The following LRRC4C variants were observed in gnomAD, a reference collection of about 807,000 sequenced individuals.
The protein encoded by LRRC4C is leucine-rich repeat-containing protein 4C.
In LRRC4C, 5 loss-of-function variants were observed where a neutral mutation model predicts 33.6. The observed-to-expected ratio is 0.15, with a 90% CI of 0.08 to 0.31. The LOEUF is 0.31. Among genes scored for constraint, LRRC4C ranks in the 10% least tolerant of loss-of-function variants. The pLI, the probability that LRRC4C is intolerant of heterozygous loss-of-function variation, is 1.00. For synonymous variants in LRRC4C, 329 were observed against 302.0 expected, an observed-to-expected ratio of 1.09 and a Z score of -0.93; for missense variants, 560 against 796.7, an observed-to-expected ratio of 0.70 and a Z score of 3.58.
At chr11:40,200,043 A>G (rs1259823356) in intron 5 of LRRC4C, among the ~76,000 whole-genome samples, 1 of 151,896 alleles carries the variant, frequency 6.6e-6, no homozygotes, top group African/African-American at 2.4e-5. Flanking sequence ...CCTGCTTGTC[A>G]ATTAAAACTC....
intron 2 of LRRC4C, among the ~76,000 whole-genome samples, chr11:40,828,483 A>T (rs1436960177): frequency 6.6e-6 from 1 of 151,898 alleles, no homozygotes; most frequent in African/African-American, 2.4e-5. Context: ...TTTAGATAAT[A>T]TAAAGTTTTT....
chr11:40,215,141 T>G (rs1235506015), intron 5 of LRRC4C, among the ~76,000 whole-genome samples: 1 of 152,184 alleles, frequency 6.6e-6, no homozygotes, highest in East Asian at 1.9e-4. Context: ...CTATTCTGTG[T>G]CCACTACCAG....
chr11:41,342,612 G>A (rs1201599854), intron 1 of LRRC4C, among the ~76,000 whole-genome samples: 1 of 152,118 alleles, frequency 6.6e-6, no homozygotes, highest in Non-Finnish European at 1.5e-5. Context: ...ATACTCAGGA[G>A]GCTTAGGTAG....
chr11:40,147,679 G>A (rs964491799), intron 5 of LRRC4C, among the ~76,000 whole-genome samples: 15 of 151,940 alleles, frequency 9.9e-5, no homozygotes, highest in South Asian at 2.1e-4. Flanking sequence ...CATAATTGTC[G>A]AGATGAAAAG....
At chr11:40,808,381 G>C (rs1481398481) in intron 2 of LRRC4C, among the ~76,000 whole-genome samples, 4 of 152,034 alleles carry the variant, frequency 2.6e-5, no homozygotes, top group Non-Finnish European at 4.4e-5. Flanking sequence ...ATTCCTTTCT[G>C]TGTCTAACCT....
intron 1 of LRRC4C, among the ~76,000 whole-genome samples, chr11:41,285,038 T>C (rs1949781186): frequency 6.6e-6 from 1 of 152,198 alleles, no homozygotes; most frequent in Non-Finnish European, 1.5e-5. Context: ...AGGGCTTATA[T>C]TAAATACAAG....
chr11:41,275,418 A>G (rs1393552344), intron 1 of LRRC4C, among the ~76,000 whole-genome samples: 3 of 152,324 alleles, frequency 2.0e-5, no homozygotes, highest in African/African-American at 7.2e-5. Context: ...AGCAAAAAAT[A>G]AAGATTATTC....
chr11:40,736,575 T>C (rs749747280), intron 2 of LRRC4C, among the ~76,000 whole-genome samples: 16 of 152,202 alleles, frequency 1.1e-4, no homozygotes, highest in Non-Finnish European at 1.5e-5. Context: ...TCTAGATCCT[T>C]GAGGAATCAC....
chr11:41,181,231 C>G (rs1355036270), intron 1 of LRRC4C, among the ~76,000 whole-genome samples: 1 of 152,090 alleles, frequency 6.6e-6, no homozygotes, highest in African/African-American at 2.4e-5. Flanking sequence ...CCTTCTCCCC[C>G]ACAGCCACTT....
At chr11:40,879,756 T>C (rs1217180968) in intron 2 of LRRC4C, among the ~76,000 whole-genome samples, 1 of 152,118 alleles carries the variant, frequency 6.6e-6, no homozygotes, top group Non-Finnish European at 1.5e-5. Flanking sequence ...AAGAGTATAA[T>C]ATTAAATAAA....
chr11:41,032,159 G>C (rs998404939), intron 1 of LRRC4C, among the ~76,000 whole-genome samples: 1 of 152,032 alleles, frequency 6.6e-6, no homozygotes, highest in Non-Finnish European at 1.5e-5. Context: ...GAACCCAGGA[G>C]TTCATTCCAG....
chr11:40,975,825 G>A (rs1191533082), intron 1 of LRRC4C, among the ~76,000 whole-genome samples: 1 of 152,144 alleles, frequency 6.6e-6, no homozygotes, highest in East Asian at 1.9e-4. Flanking sequence ...AATCTTGTAG[G>A]CTCCTTGAAA....
At chr11:41,148,808 GGTT>G (rs1943849375) in intron 1 of LRRC4C, among the ~76,000 whole-genome samples, 1 of 152,028 alleles carries the variant, frequency 6.6e-6, no homozygotes, top group Non-Finnish European at 1.5e-5. Flanking sequence ...TACCTGATAG[GGTT>G]GTTGTAGGAA....
At chr11:40,315,259 CGT>C (rs774791682) in intron 4 of LRRC4C, among the ~76,000 whole-genome samples, 2 of 151,118 alleles carry the variant, frequency 1.3e-5, no homozygotes, top group Non-Finnish European at 3.0e-5. Flanking sequence ...AAAGGGATGG[CGT>C]GTGTGTGTGC....
At chr11:40,210,811 C>T (rs1156710275) in intron 5 of LRRC4C, among the ~76,000 whole-genome samples, 3 of 152,178 alleles carry the variant, frequency 2.0e-5, no homozygotes, top group African/African-American at 7.2e-5. Flanking sequence ...CTCACTCTGT[C>T]ACCCTGGCTG....
At chr11:40,784,218 C>T (rs1269563807) in intron 2 of LRRC4C, among the ~76,000 whole-genome samples, 1 of 152,158 alleles carries the variant, frequency 6.6e-6, no homozygotes, top group African/African-American at 2.4e-5. Flanking sequence ...TGAAGCATCA[C>T]CTTCAAATTT....
intron 1 of LRRC4C, among the ~76,000 whole-genome samples, chr11:41,065,060 G>A (rs548765823): frequency 1.9e-4 from 29 of 152,132 alleles, no homozygotes; most frequent in Non-Finnish European, 4.1e-4. Context: ...CAGGAGAACG[G>A]TAGACTCCCC....
chr11:40,116,507 T>C (rs913080189), intron 6 of LRRC4C, among the ~76,000 whole-genome samples, 173 bp from the exon 7 acceptor site: 4 of 152,196 alleles, frequency 2.6e-5, no homozygotes, highest in Non-Finnish European at 5.9e-5. Context: ...GAAGAAAATG[T>C]ACCTTTAATC....
intron 4 of LRRC4C, among the ~76,000 whole-genome samples, chr11:40,290,981 C>T (rs1184209229): frequency 6.6e-6 from 1 of 152,082 alleles, no homozygotes; most frequent in Non-Finnish European, 1.5e-5. Context: ...CTGACTTTTG[C>T]CTGGCGTTCT....
Sources: gnomAD v4.1 joint callset for allele counts (sites outside exome capture counted in the v4.1 genomes callset) on GRCh38, gnomAD v4.1.1 for gene constraint, MANE v1.5 for transcripts, NCBI Gene and HGNC (gene_info 2026-07-23, HGNC 2026-07-21) for gene names.